The following AMPD1 variants were observed in gnomAD, a reference collection of about 807,000 sequenced individuals.
AMPD1 encodes the protein AMP deaminase 1.
A neutral mutation model predicts 82.9 loss-of-function variants in AMPD1; 74 were observed. The observed-to-expected ratio is 0.89, with a 90% confidence interval of 0.74 to 1.08. AMPD1 has a LOEUF of 1.08. Ranked by LOEUF, AMPD1 falls within the 50% of genes least tolerant of loss-of-function variation. AMPD1 has a pLI of 0.00. For synonymous variants in AMPD1, 333 were observed against 320.5 expected (o/e 1.04, Z -0.42); for missense variants, 881 against 924.5 (o/e 0.95, Z 0.61).
At chr1:114,676,678 C>T (rs1232976482) in intron 10 of AMPD1, among the ~76,000 whole-genome samples, 1 of 152,084 alleles carries the variant, frequency 6.6e-6, no homozygotes, top group Non-Finnish European at 1.5e-5. Flanking sequence ...AAGTATTATC[C>T]CAGTCAAAAA....
intron 10 of AMPD1, 134 bp downstream of exon 10, chr1:114,677,217 G>C: frequency 8.3e-7 from 1 of 1,209,490 alleles, no homozygotes. Flanking sequence ...CAAGCATGCA[G>C]GACCCGATAG....
chr1:114,675,421 T>A, intron 12 of AMPD1, 109 bp downstream of exon 12: 1 of 1,233,418 alleles, frequency 8.1e-7, no homozygotes, highest in Non-Finnish European at 1.2e-6. Context: ...TTTGGGCCAA[T>A]TGGAACCATC....
chr1:114,676,026 T>C, intron 10 of AMPD1, 23 bp from the exon 11 acceptor site: 1 of 1,613,032 alleles, frequency 6.2e-7, no homozygotes, highest in Non-Finnish European at 8.5e-7. Context: ...ATGAAGAGAA[T>C]TTAGGAGAAA....
intron 5 of AMPD1, chr1:114,683,232 C>A: frequency 2.7e-6 from 1 of 370,634 alleles, no homozygotes; most frequent in Non-Finnish European, 5.3e-6. Flanking sequence ...ATTTGGGCTG[C>A]CTCTTGAAAG....
intron 4 of AMPD1, among the ~76,000 whole-genome samples, chr1:114,685,920 A>C (rs1260321321): frequency 2.0e-5 from 3 of 152,216 alleles, no homozygotes; most frequent in African/African-American, 7.2e-5. Flanking sequence ...ACTGACCCTA[A>C]GTGGGTCAGT....
At chr1:114,677,293 G>A in intron 10 of AMPD1, 58 bp downstream of exon 10, 1 of 1,597,486 alleles carries the variant, frequency 6.3e-7, no homozygotes, top group Non-Finnish European at 8.6e-7. Flanking sequence ...TCATACAGGG[G>A]ACTTGAAGCA....
intron 2 of AMPD1, among the ~76,000 whole-genome samples, chr1:114,691,653 C>T (rs994992383): frequency 6.6e-6 from 1 of 151,752 alleles, no homozygotes; most frequent in Non-Finnish European, 1.5e-5. Context: ...AGGCTGGGTG[C>T]GATTTCTCAT....
intron 3 of AMPD1, among the ~76,000 whole-genome samples, chr1:114,688,089 C>T (rs1658372401): frequency 6.6e-6 from 1 of 152,032 alleles, no homozygotes; most frequent in Non-Finnish European, 1.5e-5. Context: ...TCATTGGCCC[C>T]TCACTCTACT....
chr1:114,677,270 A>G, intron 10 of AMPD1, 81 bp downstream of exon 10: 2 of 1,569,288 alleles, frequency 1.3e-6, no homozygotes, highest in Middle Eastern at 1.7e-4. Context: ...TAGATGGGCA[A>G]CACGTTCCTT....
At chr1:114,673,322 T>C (rs748935664) in intron 15 of AMPD1, 50 bp from the exon 16 acceptor site, 4 of 1,596,114 alleles carry the variant, frequency 2.5e-6, no homozygotes, top group Non-Finnish European at 8.6e-7. Context: ...TTCACCCTGG[T>C]ATAGACAATA....
intron 5 of AMPD1, 128 bp from the exon 6 acceptor site, chr1:114,680,606 G>T: frequency 1.3e-6 from 1 of 778,130 alleles, no homozygotes; most frequent in Non-Finnish European, 2.2e-6. Context: ...TAATTATCTG[G>T]AATTAAGCTA....
Position 114,678,609 on chromosome 1 carries a change from T to C in AMPD1, c.898-82A>G, listed in dbSNP as rs988212331. The C allele has an allele frequency of 4.7e-6, 6 of 1,281,538 alleles. No homozygotes were observed. In the African/African-American group the frequency reaches 7.3e-5, roughly 16 times the overall value. 79.4% of individuals were successfully genotyped at this position (1,281,538 alleles called of 1,614,324 possible). On this transcript the variant is annotated intron_variant, in intron 7 of 15. Transcript: ENST00000520113. The stretch of plus-strand genomic sequence containing the variant: ...TGTTTAGAGGATATGGTGCTGCAAA[T>C]CCCACTGCGTTGGGACAAAGTGAAT...
chr1:114,695,504 A>T lies in AMPD1; in HGVS notation c.-33T>A. The T allele has an allele frequency of 6.2e-7, 1 of 1,614,142 alleles. No homozygotes were observed. Among genetic ancestry groups the T allele is most frequent in the Non-Finnish European group, 8.5e-7 (1 of 1,180,008 alleles). ...GAAATCCTTGATTCTAGGATAGCACAGTAGAAAAGAAGAGAGAGGAGACTG... is the reference window on the plus strand; with the variant it reads ...GAAATCCTTGATTCTAGGATAGCACTGTAGAAAAGAAGAGAGAGGAGACTG... On this transcript the variant is annotated 5_prime_UTR_variant, in exon 1 of 16. Coordinates refer to ENST00000520113, the MANE Select transcript of AMPD1 (RefSeq NM_000036.3).
At chr1:114,691,943 T>A (rs576411052) in intron 2 of AMPD1, among the ~76,000 whole-genome samples, 9 of 151,802 alleles carry the variant, frequency 5.9e-5, no homozygotes, top group African/African-American at 9.7e-5. Flanking sequence ...AAATAAAAAT[T>A]AAAATTAAAA....
At chr1:114,694,250 CA>C (rs200842534) in intron 1 of AMPD1, among the ~76,000 whole-genome samples, 7 of 149,436 alleles carry the variant, frequency 4.7e-5, no homozygotes, top group East Asian at 2.0e-4. Flanking sequence ...AACGAACAAA[CA>C]AAAAAAAACC....
rs565755512 is a variant in AMPD1, at chr1:114,673,461, C to T, written c.2085+178G>A. 2.4e-4 allele frequency among the ~76,000 whole-genome samples: 36 copies of T among 152,302 alleles called. 1 individual carries two copies. Among genetic ancestry groups the T allele is most frequent in the African/African-American group, 8.4e-4 (35 of 41,576 alleles). ...CTGCTGAGAAATCAAGTGTATTTTA[C>T]TTCCCTGGCCCAAAAGGCACAGGCA... On this transcript the variant is annotated intron_variant, in intron 15 of 15. Transcript: ENST00000520113.
chr1:114,680,592 GT>G, intron 5 of AMPD1, 114 bp from the exon 6 acceptor site: 1 of 877,942 alleles, frequency 1.1e-6, no homozygotes, highest in South Asian at 1.4e-5. Flanking sequence ...CGGTACTTAA[GT>G]TGTAATTATC....
intron 6 of AMPD1, 47 bp from the exon 7 acceptor site, chr1:114,679,755 A>T: frequency 6.2e-7 from 1 of 1,604,264 alleles, no homozygotes; most frequent in South Asian, 1.1e-5. Flanking sequence ...CAGGCATTCA[A>T]GAAAAACAGT....
At chr1:114,690,425 C>T (rs2268701) in intron 2 of AMPD1, among the ~76,000 whole-genome samples, 68,517 of 151,938 alleles carry the variant, frequency 0.45, 15,914 homozygotes, top group South Asian at 0.57. Context: ...TGACTTAGTA[C>T]ATGATGAAAT....
Sources: allele counts gnomAD v4.1 joint callset (sites outside exome capture counted in the v4.1 genomes callset), GRCh38; gene constraint gnomAD v4.1.1; transcripts MANE v1.5; gene names NCBI Gene and HGNC (gene_info 2026-07-23, HGNC 2026-07-21).